The following RNF43 variants were observed in gnomAD, a reference collection of about 807,000 sequenced individuals.
The protein encoded by RNF43 is ring finger protein 43, also known as E3 ubiquitin-protein ligase RNF43.
RNF43 carries 37 observed loss-of-function variants against 78.4 expected under a neutral mutation model. That is an observed-to-expected ratio of 0.47 (90% CI 0.36 to 0.62). RNF43 has a LOEUF of 0.62. Among genes scored for constraint, RNF43 ranks in the 20% least tolerant of loss-of-function variants. The pLI is 0.00. For synonymous variants in RNF43, 347 were observed against 395.0 expected, an observed-to-expected ratio of 0.88 and a Z score of 1.44; for missense variants, 774 against 1,007.9, an observed-to-expected ratio of 0.77 and a Z score of 3.14.
At chr17:58,389,341 A>G (rs1204577859) in intron 2 of RNF43, among the ~76,000 whole-genome samples, 1 of 152,250 alleles carries the variant, frequency 6.6e-6, no homozygotes, top group Non-Finnish European at 1.5e-5. Context: ...CATTAACAAA[A>G]TGGGGAAATT....
intron 2 of RNF43, among the ~76,000 whole-genome samples, chr17:58,376,012 C>G (rs1973197591): frequency 6.6e-6 from 1 of 152,146 alleles, no homozygotes; most frequent in Non-Finnish European, 1.5e-5. Flanking sequence ...GTCTCAGAAC[C>G]AGGAGGGCAG....
chr17:58,357,799 A>T lies in RNF43; in HGVS notation c.1977T>A (p.Gly659=). 1 of 1,612,518 alleles carries T rather than the reference A, an allele frequency of 6.2e-7. No individual in the cohort carries two copies. The highest frequency in any genetic ancestry group is 8.5e-7 in the Non-Finnish European group (1 of 1,179,624). ...ARHPQRKRRG[G]PSEPTPGSRP... ...GAGAGCCAGGGGTGGGCTCGGAGGG[A>T]CCCCCCCGCCTTTTCCTCTGTGGGT... is the stretch of plus-strand genomic sequence containing the variant. Residue 659 remains glycine (G), a synonymous_variant, in exon 9 of 10, where the codon GGT becomes GGA. Coordinates refer to ENST00000407977, the MANE Select transcript of RNF43 (RefSeq NM_017763.6). This position sits in a 1 kb window ranked among gnomAD's most constrained non-coding sequence, Gnocchi z 4.5.
rs138279364 is a variant in RNF43, at chr17:58,403,661, G to A, written c.252+11665C>T. Among the ~76,000 whole-genome samples the A allele has an allele frequency of 8.5e-5, 13 of 152,128 alleles. No individual in the cohort carries two copies. The East Asian group carries it at 1.9e-3, about 23-fold the overall frequency. The stretch of plus-strand genomic sequence containing the variant: ...GGGAATACACAATGCAGAAAGTCAC[G>A]GTTTAATAACAAGGCATAGTTACTA... On this transcript the variant is annotated intron_variant, in intron 2 of 9. Transcript: ENST00000407977.
intron 2 of RNF43, among the ~76,000 whole-genome samples, chr17:58,386,695 T>C (rs1973444877): frequency 6.6e-6 from 1 of 152,264 alleles, no homozygotes; most frequent in Non-Finnish European, 1.5e-5. Context: ...AAATCCTATA[T>C]ATCCTTCAAG....
At chr17:58,411,306 A>G (rs1041060030) in intron 2 of RNF43, among the ~76,000 whole-genome samples, 2 of 151,996 alleles carry the variant, frequency 1.3e-5, no homozygotes, top group Non-Finnish European at 1.5e-5. Context: ...GTGTAGAACT[A>G]AAAGTCAAGC....
downstream of RNF43, chr17:58,353,479 TG>T: frequency 5.0e-6 from 1 of 200,910 alleles, no homozygotes; most frequent in East Asian, 7.7e-5. Flanking sequence ...TCTCCTTCCC[TG>T]ATCTCACTAA....
chr17:58,365,082 A>G (rs188969822), intron 3 of RNF43, among the ~76,000 whole-genome samples: 73 of 152,354 alleles, frequency 4.8e-4, no homozygotes, highest in Non-Finnish European at 8.8e-5. Flanking sequence ...AGAAATTCAC[A>G]GGACCAGTCA....
chr17:58,360,895 C>G lies in RNF43; in HGVS notation c.737G>C (p.Arg246Thr), dbSNP rs2143447460. The G allele has an allele frequency of 1.2e-6, 2 of 1,608,680 alleles. No homozygotes were observed. The highest frequency in any genetic ancestry group is 1.7e-6 in the Non-Finnish European group (2 of 1,176,778). ...TAWAISQLAT[R>T]RYQASCRQAR... is the part of the protein sequence containing the mutation. ...CTGCCTGCAGCTGGCCTGGTACCTC[C>G]TGGTGGCCAGCTGGCTGATGGCCCA... is the stretch of plus-strand genomic sequence containing the variant. The change falls in exon 7 of 10, where the codon AGG becomes ACG. Residue 246 changes from arginine (R) to threonine (T), a missense_variant. Coordinates refer to ENST00000407977, the MANE Select transcript of RNF43 (RefSeq NM_017763.6). The surrounding 1 kb of genome is among the most constrained non-coding windows in gnomAD (Gnocchi z 4.3).
At chr17:58,381,697 C>T (rs1973322354) in intron 2 of RNF43, among the ~76,000 whole-genome samples, 1 of 152,136 alleles carries the variant, frequency 6.6e-6, no homozygotes, top group Admixed American at 6.5e-5. Flanking sequence ...AGTAGCATCT[C>T]TTGCGCTCCT....
chr17:58,410,275 G>C (rs2526370), intron 2 of RNF43, among the ~76,000 whole-genome samples: 72,628 of 151,902 alleles, frequency 0.48, 18,040 homozygotes, highest in African/African-American at 0.63. Flanking sequence ...CTTCTATTCT[G>C]TGGGTGCCAG....
intron 2 of RNF43, among the ~76,000 whole-genome samples, chr17:58,400,339 T>C (rs1002865681): frequency 6.6e-6 from 1 of 152,222 alleles, no homozygotes; most frequent in Non-Finnish European, 1.5e-5. Flanking sequence ...ACAAACAGTC[T>C]TGCTTAGTTA....
At chr17:58,399,055 A>T (rs1288837708) in intron 2 of RNF43, among the ~76,000 whole-genome samples, 2 of 152,218 alleles carry the variant, frequency 1.3e-5, no homozygotes, top group African/African-American at 4.8e-5. Context: ...TGTACTGGTG[A>T]TTGAAATGAA....
At chr17:58,359,448 A>G (rs982376517) in intron 8 of RNF43, among the ~76,000 whole-genome samples, 7 of 151,502 alleles carry the variant, frequency 4.6e-5, no homozygotes, top group African/African-American at 1.7e-4. Context: ...TCCAAAAAAA[A>G]AAAAAATTAG....
At position 58,393,850 on chromosome 17, in the gene RNF43, C is replaced by T. The variant is rs557091603; in HGVS notation, c.252+21476G>A. On this transcript the variant is annotated intron_variant, in intron 2 of 9. Coordinates refer to ENST00000407977, the MANE Select transcript of RNF43 (RefSeq NM_017763.6). ...CGGGCGGATCATGAGGTCAGGAGATCGAGACCATCCTGGCTAACATGGTGA... is the reference window on the plus strand; with the variant it reads ...CGGGCGGATCATGAGGTCAGGAGATTGAGACCATCCTGGCTAACATGGTGA... Among the ~76,000 whole-genome samples the T allele has an allele frequency of 7.2e-5, 11 of 152,084 alleles. No individual in the cohort carries two copies. The South Asian group carries it at 1.0e-3, about 14-fold the overall frequency.
chr17:58,374,179 T>A (rs1973156103), intron 2 of RNF43, among the ~76,000 whole-genome samples: 1 of 134,500 alleles, frequency 7.4e-6, no homozygotes, highest in African/African-American at 3.0e-5. Context: ...AGCTAGTAAG[T>A]GGTAGAGATT....
At chr17:58,393,882 G>A (rs1056621524) in intron 2 of RNF43, among the ~76,000 whole-genome samples, 3 of 151,962 alleles carry the variant, frequency 2.0e-5, no homozygotes, top group South Asian at 2.1e-4. Context: ...GTGAAACCCC[G>A]TCTCTACTAA....
intron 2 of RNF43, among the ~76,000 whole-genome samples, chr17:58,408,343 A>G (rs1393842692): frequency 6.6e-6 from 1 of 152,184 alleles, no homozygotes; most frequent in East Asian, 1.9e-4. Context: ...TCACATTCTC[A>G]AAGGGGCCTG....
At chr17:58,369,862 C>T (rs1973042049) in intron 3 of RNF43, among the ~76,000 whole-genome samples, 2 of 152,072 alleles carry the variant, frequency 1.3e-5, no homozygotes, top group South Asian at 4.1e-4. Context: ...ACATAGAAAA[C>T]AGTAACTGCT....
chr17:58,361,836 A>G (rs963610248), intron 6 of RNF43, among the ~76,000 whole-genome samples: 3 of 152,114 alleles, frequency 2.0e-5, no homozygotes, highest in Admixed American at 1.3e-4. Context: ...CTCCTCAGAT[A>G]CCTGCACAGA....
Sources: allele counts gnomAD v4.1 joint callset (sites outside exome capture counted in the v4.1 genomes callset), GRCh38; gene constraint gnomAD v4.1.1; non-coding constraint Gnocchi (gnomAD v3.1); transcripts MANE v1.5; gene names NCBI Gene and HGNC (gene_info 2026-07-23, HGNC 2026-07-21).